Variants in LRRN1 observed in about 807,000 individuals in gnomAD.
LRRN1 encodes leucine-rich repeat neuronal protein 1.
In LRRN1, 14 loss-of-function variants were observed where a neutral mutation model predicts 45.8. That is an observed-to-expected ratio of 0.31 (90% CI 0.20 to 0.48). LRRN1 has a LOEUF of 0.48. Ranked by LOEUF, LRRN1 falls within the 20% of genes least tolerant of loss-of-function variation. The pLI is 0.99. For missense variants in LRRN1, 789 were observed against 874.2 expected, an observed-to-expected ratio of 0.90 and a Z score of 1.23; for synonymous variants, 359 against 330.1, an observed-to-expected ratio of 1.09 and a Z score of -0.95.
chr3:3,841,240 G>A (rs1245984183), intron 1 of LRRN1, among the ~76,000 whole-genome samples: 3 of 142,168 alleles, frequency 2.1e-5, no homozygotes, highest in South Asian at 2.2e-4. Context: ...GCAGTGAGCC[G>A]AGATCGCACC....
At chr3:3,817,817 A>G (rs1406363473) in intron 1 of LRRN1, among the ~76,000 whole-genome samples, 1 of 152,188 alleles carries the variant, frequency 6.6e-6, no homozygotes, top group African/African-American at 2.4e-5. Flanking sequence ...AATGCAATAA[A>G]TGTTCTGAAA....
intron 1 of LRRN1, among the ~76,000 whole-genome samples, chr3:3,832,963 G>A (rs1414992325): frequency 6.6e-6 from 1 of 152,164 alleles, no homozygotes; most frequent in Non-Finnish European, 1.5e-5. Context: ...CAGTAGCTAT[G>A]CCCACTTTGC....
intron 1 of LRRN1, chr3:3,804,083 G>A (rs1692707874): frequency 6.6e-6 from 1 of 152,148 alleles, no homozygotes; most frequent in Non-Finnish European, 1.5e-5. Flanking sequence ...CAATATGCAA[G>A]CTTTACTACT....
At chr3:3,815,830 G>A (rs562983667) in intron 1 of LRRN1, among the ~76,000 whole-genome samples, 2 of 152,070 alleles carry the variant, frequency 1.3e-5, no homozygotes, top group African/African-American at 4.8e-5. Flanking sequence ...AATTTTTAAG[G>A]TACATGTTCA....
chr3:3,820,547 C>T (rs1693080365), intron 1 of LRRN1, among the ~76,000 whole-genome samples: 1 of 152,162 alleles, frequency 6.6e-6, no homozygotes, highest in African/African-American at 2.4e-5. Context: ...AAGAGGAGAT[C>T]TATTCTGATG....
rs533528711 is a variant in LRRN1 at position 3,816,929 on chromosome 3, A to C, written c.-279+17010A>C. Among the ~76,000 whole-genome samples the C allele has an allele frequency of 6.6e-6, 1 of 152,194 alleles. No homozygotes were observed. Among genetic ancestry groups the C allele is most frequent in the African/African-American group, 2.4e-5 (1 of 41,460 alleles). On this transcript the variant is annotated intron_variant, in intron 1 of 1. Coordinates refer to ENST00000319331, the MANE Select transcript of LRRN1 (RefSeq NM_020873.7). This position sits in a 1 kb window ranked among gnomAD's most constrained non-coding sequence, Gnocchi z 4.0. ...TTACTTGAATTAGTCATGATTTGCC[A>C]GAGAAAGAGAATGAATAGGATGGGT...
rs371665256 is a variant in LRRN1, at chr3:3,849,113, C to T, written c.*2321C>T. Among the ~76,000 whole-genome samples, 8 of 152,156 alleles carry T rather than the reference C, an allele frequency of 5.3e-5. 1 individual carries two copies. The East Asian group carries it at 5.8e-4, about 11-fold the overall frequency. ...ACCATGAAAATGGATGGCACTGATG[C>T]ATTAGACCCTCAGCAGCCTGCAATT... On this transcript the variant is annotated 3_prime_UTR_variant, in exon 2 of 2. Coordinates refer to ENST00000319331, the MANE Select transcript of LRRN1 (RefSeq NM_020873.7).
chr3:3,826,762 G>T (rs971479240), intron 1 of LRRN1, among the ~76,000 whole-genome samples: 58 of 152,068 alleles, frequency 3.8e-4, no homozygotes, highest in Admixed American at 3.7e-3. Context: ...GTCAGAAAGG[G>T]TCAGGTGCCA....
chr3:3,843,574 C>T (rs559350450), intron 1 of LRRN1, among the ~76,000 whole-genome samples: 12 of 151,464 alleles, frequency 7.9e-5, no homozygotes, highest in African/African-American at 2.4e-4. Context: ...ACTGTACCCC[C>T]CCCCATACCC....
chr3:3,812,092 A>G (rs532261084), intron 1 of LRRN1, among the ~76,000 whole-genome samples: 3 of 152,352 alleles, frequency 2.0e-5, no homozygotes, highest in African/African-American at 7.2e-5. Flanking sequence ...ATTCACTGCA[A>G]TCATTTGGCA....
rs1055441627 is a variant in LRRN1 at position 3,849,680 on chromosome 3, C to T, written c.*2888C>T. ...TTTTGGAGCAGTTTCTTAAAACAGG[C>T]ATTCCCTAACTTGCTCATTTAATTA... On this transcript the variant is annotated 3_prime_UTR_variant, in exon 2 of 2. Transcript: ENST00000319331. Among the ~76,000 whole-genome samples, 1 of 152,208 alleles carries T rather than the reference C, an allele frequency of 6.6e-6. No individual in the cohort carries two copies. Among genetic ancestry groups the T allele is most frequent in the African/African-American group, 2.4e-5 (1 of 41,464 alleles).
chr3:3,807,972 T>C (rs1205710740), intron 1 of LRRN1, among the ~76,000 whole-genome samples: 2 of 152,038 alleles, frequency 1.3e-5, no homozygotes, highest in African/African-American at 2.4e-5. Context: ...ATGTGAAAAA[T>C]GTAGGTCACT....
At chr3:3,802,158 G>A (rs933371199) in intron 1 of LRRN1, among the ~76,000 whole-genome samples, 4 of 152,288 alleles carry the variant, frequency 2.6e-5, no homozygotes, top group South Asian at 4.2e-4. Flanking sequence ...AACAGTGAAC[G>A]GGGAGGTAGT....
At position 3,816,371 on chromosome 3, in the gene LRRN1, C is replaced by T. The variant is rs1426645738; in HGVS notation, c.-279+16452C>T. 6.6e-6 allele frequency among the ~76,000 whole-genome samples: 1 copy of T among 152,092 alleles called. No homozygotes were observed. The highest frequency in any genetic ancestry group is 1.9e-4 in the East Asian group (1 of 5,192). On this transcript the variant is annotated intron_variant, in intron 1 of 1. Coordinates refer to ENST00000319331, the MANE Select transcript of LRRN1 (RefSeq NM_020873.7). This position sits in a 1 kb window ranked among gnomAD's most constrained non-coding sequence, Gnocchi z 4.0. The stretch of plus-strand genomic sequence containing the variant: ...CAAGGAAAATCTACAATAAGAAACT[C>T]TTTCAAATTCAGGGATGTAACTTTC...
At chr3:3,834,003 G>T (rs1428014337) in intron 1 of LRRN1, among the ~76,000 whole-genome samples, 1 of 152,150 alleles carries the variant, frequency 6.6e-6, no homozygotes, top group Non-Finnish European at 1.5e-5. Flanking sequence ...CCACTCGCAT[G>T]ATAAGAGTTT....
chr3:3,799,800 G>A lies in LRRN1; in HGVS notation c.-398G>A. ...CGCTGCGGGCTGGGAAGGAGGCGCC[G>A]CTCAGCTAGTCCTCCTCCTCCTCCT... On this transcript the variant is annotated 5_prime_UTR_variant, in exon 1 of 2. Transcript: ENST00000319331. 2 of 158,550 alleles carry A rather than the reference G, an allele frequency of 1.3e-5. No individual in the cohort carries two copies. Among genetic ancestry groups the A allele is most frequent in the South Asian group, 1.4e-4 (1 of 6,972 alleles). 9.8% of individuals were successfully genotyped at this position (158,550 alleles called of 1,614,324 possible).
At chr3:3,834,062 TCTCA>T (rs1338638839) in intron 1 of LRRN1, among the ~76,000 whole-genome samples, 1 of 152,092 alleles carries the variant, frequency 6.6e-6, no homozygotes, top group Non-Finnish European at 1.5e-5. Context: ...AAGACAAGAC[TCTCA>T]CTCAGGGTAA....
intron 1 of LRRN1, among the ~76,000 whole-genome samples, chr3:3,826,644 C>T (rs886284390): frequency 3.3e-5 from 5 of 152,050 alleles, no homozygotes; most frequent in South Asian, 2.1e-4. Context: ...TCCTCTCATA[C>T]GACCCTCCAT....
chr3:3,809,121 C>T (rs905900459), intron 1 of LRRN1, among the ~76,000 whole-genome samples: 35 of 151,190 alleles, frequency 2.3e-4, no homozygotes, highest in Non-Finnish European at 4.4e-5. Flanking sequence ...AAGTAGGTTG[C>T]TGAATCTAAT....
Sources: allele counts gnomAD v4.1 joint callset (sites outside exome capture counted in the v4.1 genomes callset), GRCh38; gene constraint gnomAD v4.1.1; non-coding constraint Gnocchi (gnomAD v3.1); transcripts MANE v1.5; gene names NCBI Gene and HGNC (gene_info 2026-07-23, HGNC 2026-07-21).